The following UBE3C variants were observed in gnomAD, a reference collection of about 807,000 sequenced individuals.
The protein encoded by UBE3C is ubiquitin-protein ligase E3C.
Under a neutral mutation model 129.4 loss-of-function variants are expected in UBE3C, and 42 were observed. That is an observed-to-expected ratio of 0.32 (90% CI 0.25 to 0.42). The LOEUF (loss-of-function observed/expected upper bound fraction) is 0.42. Ranked by LOEUF, UBE3C falls within the 10% of genes least tolerant of loss-of-function variation. The pLI, the probability that UBE3C is intolerant of heterozygous loss-of-function variation, is 1.00. For missense variants in UBE3C, 1,049 were observed against 1,319.1 expected (o/e 0.80, Z 3.17); for synonymous variants, 510 against 492.4 (o/e 1.04, Z -0.47).
chr7:157,201,882 A>G (rs1389509877), intron 11 of UBE3C, 75 bp downstream of exon 11: 2 of 1,285,820 alleles, frequency 1.6e-6, no homozygotes, highest in East Asian at 4.8e-5. Flanking sequence ...TGTTGCCAGA[A>G]CCTGTTTTTA....
chr7:157,199,349 T>C (rs187470923), intron 10 of UBE3C, among the ~76,000 whole-genome samples: 3 of 152,304 alleles, frequency 2.0e-5, no homozygotes, highest in East Asian at 1.9e-4. Flanking sequence ...AACACTCTTA[T>C]CAGGCATATG....
At chr7:157,175,140 T>A (rs2116900968) in intron 5 of UBE3C, 106 bp downstream of exon 5, 3 of 516,374 alleles carry the variant, frequency 5.8e-6, no homozygotes, top group African/African-American at 2.1e-5. Flanking sequence ...TTCCATACTT[T>A]TTTTTTTTTT....
At chr7:157,209,710 TC>T (rs1237710063) in intron 13 of UBE3C, among the ~76,000 whole-genome samples, 2 of 152,234 alleles carry the variant, frequency 1.3e-5, no homozygotes, top group Non-Finnish European at 2.9e-5. Context: ...TTTCATAATT[TC>T]CATGACAGGC....
chr7:157,217,032 C>A, intron 14 of UBE3C, 61 bp downstream of exon 14: 2 of 1,336,874 alleles, frequency 1.5e-6, no homozygotes, highest in South Asian at 1.3e-5. Context: ...TTGTGTCTTT[C>A]TGGAGAGAAG....
intron 18 of UBE3C, among the ~76,000 whole-genome samples, chr7:157,233,400 T>C (rs1034685469): frequency 6.6e-6 from 1 of 152,088 alleles, no homozygotes; most frequent in South Asian, 2.1e-4. Context: ...GCTTTCAGCC[T>C]CCCGAGTAGC....
At chr7:157,146,528 T>A (rs1807610690) in intron 1 of UBE3C, among the ~76,000 whole-genome samples, 1 of 152,310 alleles carries the variant, frequency 6.6e-6, no homozygotes, top group Non-Finnish European at 1.5e-5. Flanking sequence ...GCCTTTACGA[T>A]CTGTTTCTAA....
chr7:157,210,893 C>T (rs948750921), intron 13 of UBE3C, among the ~76,000 whole-genome samples: 1 of 152,196 alleles, frequency 6.6e-6, no homozygotes, highest in African/African-American at 2.4e-5. Context: ...TGGATAGAGT[C>T]ATCTTTCTTT....
At chr7:157,163,748 TG>T in intron 1 of UBE3C, 61 bp from the exon 2 acceptor site, 1 of 1,551,274 alleles carries the variant, frequency 6.4e-7, no homozygotes, top group Non-Finnish European at 8.8e-7. Context: ...CTGTAATTTT[TG>T]TATGGGAGTT....
chr7:157,182,611 C>T (rs1416818032), intron 8 of UBE3C, among the ~76,000 whole-genome samples: 12 of 152,310 alleles, frequency 7.9e-5, no homozygotes, highest in Non-Finnish European at 8.8e-5. Flanking sequence ...AGGCCTGTTT[C>T]CCTCCCTCTG....
At chr7:157,203,595 ATT>A (rs1281031580) in intron 11 of UBE3C, among the ~76,000 whole-genome samples, 1 of 152,188 alleles carries the variant, frequency 6.6e-6, no homozygotes, top group Non-Finnish European at 1.5e-5. Flanking sequence ...TGTTTATGGC[ATT>A]TGTCTCTTGC....
chr7:157,216,978 T>C lies in UBE3C; in HGVS notation c.1914+7T>C. On this transcript the variant is annotated splice_region_variant and intron_variant, in intron 14 of 22. Transcript: ENST00000348165. ...AGATATTAAAGCAGATAAGGTGTTA[T>C]TGAAAGATCTTTTTAATATTTATCA... The C allele has an allele frequency of 1.3e-6, 2 of 1,598,006 alleles. No individual in the cohort carries two copies. Among genetic ancestry groups the C allele is most frequent in the South Asian group, 1.1e-5 (1 of 90,138 alleles).
intron 1 of UBE3C, among the ~76,000 whole-genome samples, chr7:157,149,935 A>C (rs1389353841): frequency 6.6e-6 from 1 of 152,092 alleles, no homozygotes; most frequent in Non-Finnish European, 1.5e-5. Flanking sequence ...GCCGCCCTTT[A>C]CCATTTGTCA....
chr7:157,202,589 G>A (rs541721176), intron 11 of UBE3C, among the ~76,000 whole-genome samples: 49 of 152,294 alleles, frequency 3.2e-4, no homozygotes, highest in African/African-American at 9.9e-4. Context: ...CCTGGAAGGC[G>A]GAGGTTGCAG....
At chr7:157,212,781 G>C (rs1177972676) in intron 13 of UBE3C, among the ~76,000 whole-genome samples, 1 of 151,910 alleles carries the variant, frequency 6.6e-6, no homozygotes, top group East Asian at 1.9e-4. Flanking sequence ...TTTTCTTTTT[G>C]AGACAGGGTT....
intron 5 of UBE3C, among the ~76,000 whole-genome samples, chr7:157,177,539 C>T (rs1018057625): frequency 3.3e-5 from 5 of 152,228 alleles, no homozygotes; most frequent in African/African-American, 7.2e-5. Context: ...GCTCTCCCAC[C>T]GCCCGCCGCT....
At chr7:157,186,689 C>CT (rs1808814820) in intron 9 of UBE3C, 145 bp from the exon 10 acceptor site, 1 of 865,158 alleles carries the variant, frequency 1.2e-6, no homozygotes, top group Non-Finnish European at 1.7e-6. Context: ...GGATTTCACA[C>CT]TAAGTGTACT....
intron 7 of UBE3C, among the ~76,000 whole-genome samples, chr7:157,181,905 T>C (rs1171198740): frequency 6.6e-6 from 1 of 152,230 alleles, no homozygotes; most frequent in Non-Finnish European, 1.5e-5. Flanking sequence ...TGTCAAAAAT[T>C]AACGAAAACA....
At chr7:157,152,562 A>G (rs893505159) in intron 1 of UBE3C, among the ~76,000 whole-genome samples, 1 of 152,144 alleles carries the variant, frequency 6.6e-6, no homozygotes, top group African/African-American at 2.4e-5. Flanking sequence ...GTTCTCCTGC[A>G]GGGCACTTTT....
intron 17 of UBE3C, among the ~76,000 whole-genome samples, chr7:157,227,590 C>T (rs536924122): frequency 1.8e-4 from 28 of 152,086 alleles, no homozygotes; most frequent in Admixed American, 1.6e-3. Context: ...GTCCCACCTA[C>T]TCAGGAGGCT....
Sources: allele counts gnomAD v4.1 joint callset (sites outside exome capture counted in the v4.1 genomes callset), GRCh38; gene constraint gnomAD v4.1.1; transcripts MANE v1.5; gene names NCBI Gene and HGNC (gene_info 2026-07-23, HGNC 2026-07-21).